The following ATP10A variants were observed in gnomAD, a reference collection of about 807,000 sequenced individuals.
ATP10A encodes ATPase phospholipid transporting 10A (putative), also known as phospholipid-transporting ATPase VA.
ATP10A carries 111 observed loss-of-function variants against 147.8 expected under a neutral mutation model. The ratio of observed to expected loss-of-function variants is 0.75; its 90% CI spans 0.64 to 0.88. ATP10A has a LOEUF of 0.88. ATP10A is among the 40% of genes least tolerant of loss of function. ATP10A has a pLI of 0.00. For synonymous variants in ATP10A, 875 were observed against 841.6 expected (o/e 1.04, Z -0.69); for missense variants, 1,927 against 1,959.0 (o/e 0.98, Z 0.31).
chr15:25,709,058 C>G (rs1381301258), intron 10 of ATP10A: 1 of 152,178 alleles, frequency 6.6e-6, no homozygotes, highest in East Asian at 1.9e-4. Context: ...GCATTCTCCA[C>G]AGGGGTGACA....
intron 15 of ATP10A, among the ~76,000 whole-genome samples, chr15:25,691,357 A>G (rs1479992476): frequency 6.6e-6 from 1 of 152,148 alleles, no homozygotes; most frequent in African/African-American, 2.4e-5. Flanking sequence ...ATTTTTTCAA[A>G]TGGTATTGCT....
At position 25,721,918 on chromosome 15, in the gene ATP10A, G is replaced by C. The variant is rs28514677; in HGVS notation, c.1111-9C>G. 1.2e-3 allele frequency: 1,875 copies of C among 1,608,392 alleles called. 27 individuals are homozygous for C. In the African/African-American group the frequency reaches 0.023, roughly 19 times the overall value. On this transcript the variant is annotated splice_polypyrimidine_tract_variant and intron_variant, in intron 6 of 20. Coordinates refer to ENST00000555815, the MANE Select transcript of ATP10A (RefSeq NM_024490.4). ...GAAATTGGGATCAAAACCTGGAAGAGACAAGGCACACAGGATGAATGACCG... is the reference window on the plus strand; with the variant it reads ...GAAATTGGGATCAAAACCTGGAAGACACAAGGCACACAGGATGAATGACCG...
At chr15:25,837,839 C>G (rs765365331) in intron 1 of ATP10A, among the ~76,000 whole-genome samples, 2 of 152,108 alleles carry the variant, frequency 1.3e-5, no homozygotes, top group African/African-American at 2.4e-5. Flanking sequence ...GTGGCAGGCT[C>G]AGGTGGAAGG....
At chr15:25,828,167 A>T (rs1311661728) in intron 1 of ATP10A, among the ~76,000 whole-genome samples, 1 of 152,240 alleles carries the variant, frequency 6.6e-6, no homozygotes, top group African/African-American at 2.4e-5. Context: ...AGAAAATGAC[A>T]GAACTGAAGG....
intron 1 of ATP10A, among the ~76,000 whole-genome samples, chr15:25,806,608 A>G (rs1032351530): frequency 1.3e-5 from 2 of 152,190 alleles, no homozygotes; most frequent in South Asian, 4.1e-4. Flanking sequence ...CACCGCACCC[A>G]GCCAAGATTT....
At chr15:25,751,507 A>G (rs4547306) in intron 2 of ATP10A, among the ~76,000 whole-genome samples, 46,300 of 152,048 alleles carry the variant, frequency 0.3, 8,006 homozygotes, top group Non-Finnish European at 0.38. Flanking sequence ...GATAGACCAT[A>G]TTTTAGGTCC....
At chr15:25,716,523 T>C (rs562313983) in intron 9 of ATP10A, among the ~76,000 whole-genome samples, 9 of 152,154 alleles carry the variant, frequency 5.9e-5, no homozygotes, top group Non-Finnish European at 1.0e-4. Flanking sequence ...TCATAGCCCC[T>C]GCCCACTATA....
At position 25,727,186 on chromosome 15, in the gene ATP10A, G is replaced by T; in HGVS notation, c.821C>A (p.Ala274Glu). The T allele has an allele frequency of 6.2e-7, 1 of 1,614,144 alleles. No individual in the cohort carries two copies. The change falls in exon 4 of 21, where the codon GCA (alanine) becomes GAA (glutamate). Residue 274 changes from alanine to glutamate, a missense_variant. Physicochemically the swap from Ala to Glu is moderately radical, Grantham distance 107. Coordinates refer to ENST00000555815, the MANE Select transcript of ATP10A (RefSeq NM_024490.4). ...TGCGTAGATGACAATGCCGACGACT[G>T]CGTCCGTGTTCCTAAGGGTGCAGCC... ...LRGCTLRNTD[A>E]VVGIVIYAGH...
chr15:25,802,145 C>T (rs1890967437), intron 1 of ATP10A, among the ~76,000 whole-genome samples: 1 of 152,152 alleles, frequency 6.6e-6, no homozygotes, highest in African/African-American at 2.4e-5. Context: ...GGGAACTCTC[C>T]GTCTGGACGC....
At chr15:25,785,858 C>T (rs72705898) in intron 1 of ATP10A, among the ~76,000 whole-genome samples, 5,597 of 152,300 alleles carry the variant, frequency 0.037, 101 homozygotes, top group African/African-American at 0.045. Flanking sequence ...CCACCCACCT[C>T]GCCCAGGGGC....
intron 2 of ATP10A, among the ~76,000 whole-genome samples, chr15:25,746,902 T>G (rs1887869823): frequency 6.6e-6 from 1 of 152,188 alleles, no homozygotes; most frequent in South Asian, 2.1e-4. Flanking sequence ...ATTTTCGGAT[T>G]AGGAATGTTC....
chr15:25,777,132 T>G (rs533347610), intron 2 of ATP10A, among the ~76,000 whole-genome samples: 3 of 147,240 alleles, frequency 2.0e-5, no homozygotes, highest in Non-Finnish European at 3.0e-5. Context: ...CGTTCCGCAC[T>G]GCCCACTCCC....
chr15:25,697,828 T>G (rs1900429600), intron 13 of ATP10A, among the ~76,000 whole-genome samples: 1 of 152,190 alleles, frequency 6.6e-6, no homozygotes, highest in South Asian at 2.1e-4. Flanking sequence ...GACATGGTGT[T>G]GACAGCATGT....
intron 3 of ATP10A, among the ~76,000 whole-genome samples, chr15:25,729,059 C>A (rs373972440): frequency 2.0e-5 from 3 of 152,214 alleles, no homozygotes; most frequent in African/African-American, 4.8e-5. Flanking sequence ...CACACAAGAA[C>A]GTGAGCCGTC....
chr15:25,715,949 C>T (rs1901773176), intron 9 of ATP10A, among the ~76,000 whole-genome samples: 1 of 152,188 alleles, frequency 6.6e-6, no homozygotes, highest in African/African-American at 2.4e-5. Flanking sequence ...ACTGCCTAGC[C>T]CACTGTAGGG....
chr15:25,705,796 A>C (rs1222246519), intron 12 of ATP10A, among the ~76,000 whole-genome samples: 1 of 152,238 alleles, frequency 6.6e-6, no homozygotes, highest in East Asian at 1.9e-4. Context: ...AGGCGACGTG[A>C]GATTCCTGAA....
upstream of ATP10A, among the ~76,000 whole-genome samples, chr15:25,864,424 C>T (rs1303859096): frequency 6.6e-6 from 1 of 152,186 alleles, no homozygotes; most frequent in Non-Finnish European, 1.5e-5. Flanking sequence ...CTGGGGGTGC[C>T]TGCTAACAAG....
At chr15:25,797,644 C>G (rs8023463) in intron 1 of ATP10A, among the ~76,000 whole-genome samples, 89,762 of 152,034 alleles carry the variant, frequency 0.59, 26,761 homozygotes, top group East Asian at 0.74. Flanking sequence ...GGCCCCTCCT[C>G]GGGGGACAGC....
chr15:25,680,314 G>C lies in ATP10A; in HGVS notation c.3679-6C>G. 6.2e-7 allele frequency: 1 copy of C among 1,612,694 alleles called. No individual in the cohort carries two copies. Among genetic ancestry groups the C allele is most frequent in the Non-Finnish European group, 8.5e-7 (1 of 1,179,276 alleles). The stretch of plus-strand genomic sequence containing the variant: ...GTTATCCAGTTGAGCCAGGTCTGAG[G>C]GGGAATGAGAAAGAAAGGGCTTTTA... On this transcript the variant is annotated splice_polypyrimidine_tract_variant and splice_region_variant and intron_variant, in intron 19 of 20. Transcript: ENST00000555815.
Sources: allele counts gnomAD v4.1 joint callset (sites outside exome capture counted in the v4.1 genomes callset), GRCh38; gene constraint gnomAD v4.1.1; transcripts MANE v1.5; gene names NCBI Gene and HGNC (gene_info 2026-07-23, HGNC 2026-07-21).